Variants in AKAP6 observed in about 807,000 individuals in gnomAD.
The protein encoded by AKAP6 is A-kinase anchoring protein 6.
A neutral mutation model predicts 188.5 loss-of-function variants in AKAP6; 58 were observed. The ratio of observed to expected loss-of-function variants is 0.31; its 90% CI spans 0.25 to 0.38. AKAP6 has a LOEUF of 0.38. AKAP6 is among the 10% of genes least tolerant of loss of function. The pLI is 1.00. For missense variants in AKAP6, 2,710 were observed against 2,740.0 expected, an observed-to-expected ratio of 0.99 and a Z score of 0.24; for synonymous variants, 989 against 998.6, an observed-to-expected ratio of 0.99 and a Z score of 0.18.
chr14:32,441,155 A>G (rs1240797187), intron 2 of AKAP6, among the ~76,000 whole-genome samples: 1 of 152,176 alleles, frequency 6.6e-6, no homozygotes, highest in African/African-American at 2.4e-5. Flanking sequence ...TACCCAGTCT[A>G]AGGTGTTTTG....
At chr14:32,432,037 T>A (rs1488591004) in intron 1 of AKAP6, among the ~76,000 whole-genome samples, 1 of 152,170 alleles carries the variant, frequency 6.6e-6, no homozygotes, top group African/African-American at 2.4e-5. Context: ...CCCCTCTATT[T>A]TGGTATGTAA....
At chr14:32,648,063 C>A (rs1382314555) in intron 7 of AKAP6, among the ~76,000 whole-genome samples, 1 of 151,960 alleles carries the variant, frequency 6.6e-6, no homozygotes, top group Admixed American at 6.6e-5. Context: ...TAAAGTAATG[C>A]AAAAGGAGGC....
rs752439984 is a variant in AKAP6, at chr14:32,773,800, G to T, written c.3495G>T (p.Leu1165=). ...NLNADHQPMQ[L]IIVNLERRWE... ...ATGCAGACCACCAGCCCATGCAGCT[G>T]ATCATTGTAAATCTTGAAAGAAGGT... The change falls in exon 12 of 14, where the codon CTG becomes CTT. Residue 1165 remains leucine (L), a synonymous_variant. Transcript: ENST00000280979. 20 of 1,613,972 alleles carry T rather than the reference G, an allele frequency of 1.2e-5. No individual in the cohort carries two copies. Among genetic ancestry groups the T allele is most frequent in the African/African-American group, 2.7e-5 (2 of 74,920 alleles).
intron 7 of AKAP6, among the ~76,000 whole-genome samples, chr14:32,635,122 T>G (rs1414269605): frequency 2.6e-5 from 4 of 152,058 alleles, no homozygotes; most frequent in Non-Finnish European, 4.4e-5. Flanking sequence ...CAAGTTGTAT[T>G]ATTTGAGACC....
At position 32,450,970 on chromosome 14, in the gene AKAP6, G is replaced by A. The variant is rs185987426; in HGVS notation, c.324+17153G>A. 3.3e-4 allele frequency among the ~76,000 whole-genome samples: 50 copies of A among 152,176 alleles called. No homozygotes were observed. The East Asian group carries it at 6.8e-3, about 21-fold the overall frequency. ...AGTAAAATGTTGAAAATAACAAAAC[G>A]AGGAAAGTGGCTTTATTATTATGTT... On this transcript the variant is annotated intron_variant, in intron 2 of 13. Transcript: ENST00000280979.
At chr14:32,729,635 T>C (rs113051871) in intron 9 of AKAP6, among the ~76,000 whole-genome samples, 16 of 152,262 alleles carry the variant, frequency 1.1e-4, no homozygotes, top group African/African-American at 3.9e-4. Context: ...GCTTCATTAG[T>C]CAAAATTGAA....
chr14:32,793,325 G>C (rs1385494326), intron 12 of AKAP6, among the ~76,000 whole-genome samples: 1 of 151,912 alleles, frequency 6.6e-6, no homozygotes, highest in African/African-American at 2.4e-5. Flanking sequence ...AAGGGATAGA[G>C]GAAAATTTAC....
At chr14:32,740,735 C>G (rs1418675589) in intron 11 of AKAP6, among the ~76,000 whole-genome samples, 1 of 151,940 alleles carries the variant, frequency 6.6e-6, no homozygotes, top group Non-Finnish European at 1.5e-5. Flanking sequence ...GTCTATGTGT[C>G]TATTTTTAGG....
At chr14:32,703,804 G>A (rs543734013) in intron 9 of AKAP6, among the ~76,000 whole-genome samples, 1 of 152,308 alleles carries the variant, frequency 6.6e-6, no homozygotes, top group African/African-American at 2.4e-5. Context: ...TCAGTAAAGA[G>A]GCTTCCACAG....
chr14:32,509,878 G>A lies in AKAP6; in HGVS notation c.325-25676G>A, dbSNP rs574759957. 5.3e-5 allele frequency among the ~76,000 whole-genome samples: 8 copies of A among 152,190 alleles called. No individual in the cohort carries two copies. The East Asian group carries it at 9.7e-4, about 18-fold the overall frequency. ...CATTCCAACCTTGGTGTCTATTTACGTTTGCCGTATGTTACTTGACGCTCC... is the reference window on the plus strand; with the variant it reads ...CATTCCAACCTTGGTGTCTATTTACATTTGCCGTATGTTACTTGACGCTCC... On this transcript the variant is annotated intron_variant, in intron 2 of 13. Transcript: ENST00000280979.
intron 1 of AKAP6, among the ~76,000 whole-genome samples, chr14:32,342,249 C>T (rs957753113): frequency 5.3e-5 from 8 of 152,164 alleles, no homozygotes; most frequent in African/African-American, 1.9e-4. Context: ...GAATCTTCCA[C>T]AGGCACTTTT....
chr14:32,648,570 G>A (rs1361749472), intron 7 of AKAP6, among the ~76,000 whole-genome samples: 2 of 152,158 alleles, frequency 1.3e-5, no homozygotes, highest in Non-Finnish European at 2.9e-5. Flanking sequence ...AGAACTGACA[G>A]TAGAAACTGT....
At chr14:32,739,208 A>T (rs61604078) in intron 11 of AKAP6, among the ~76,000 whole-genome samples, 3,777 of 152,026 alleles carry the variant, frequency 0.025, 129 homozygotes, top group East Asian at 0.082. Context: ...TCTGCTATTT[A>T]TATTTTATTT....
intron 2 of AKAP6, among the ~76,000 whole-genome samples, chr14:32,447,513 G>A (rs1046929521): frequency 6.6e-6 from 1 of 152,116 alleles, no homozygotes; most frequent in African/African-American, 2.4e-5. Context: ...GGCCAAAAAA[G>A]CAGAATTTTC....
chr14:32,686,770 T>C (rs1169650872), intron 8 of AKAP6, among the ~76,000 whole-genome samples: 1 of 152,160 alleles, frequency 6.6e-6, no homozygotes, highest in Non-Finnish European at 1.5e-5. Context: ...CTGACTCTGC[T>C]TCCTGGAATT....
Position 32,364,821 on chromosome 14 carries a change from G to A in AKAP6, c.-35+35413G>A, listed in dbSNP as rs529654327. On this transcript the variant is annotated intron_variant, in intron 1 of 13. Transcript: ENST00000280979. ...CAATTGACAACATGAACAGCAAATC[G>A]TGACAGCCACAGTGGGGTCCCTTTT... 6.6e-5 allele frequency among the ~76,000 whole-genome samples: 10 copies of A among 152,222 alleles called. No homozygotes were observed. The South Asian group carries it at 1.2e-3, about 19-fold the overall frequency.
intron 1 of AKAP6, among the ~76,000 whole-genome samples, chr14:32,362,734 C>T (rs2138492869): frequency 6.6e-6 from 1 of 152,238 alleles, no homozygotes; most frequent in East Asian, 1.9e-4. Flanking sequence ...GAGTTGGAGC[C>T]ATCCTAAGGA....
At chr14:32,542,485 A>G (rs931725863) in intron 3 of AKAP6, among the ~76,000 whole-genome samples, 6 of 152,250 alleles carry the variant, frequency 3.9e-5, no homozygotes, top group African/African-American at 1.4e-4. Context: ...TTATTTATAA[A>G]TTGAGATCAA....
At chr14:32,637,433 A>G (rs184550422) in intron 7 of AKAP6, among the ~76,000 whole-genome samples, 19 of 152,212 alleles carry the variant, frequency 1.2e-4, no homozygotes, top group African/African-American at 4.6e-4. Context: ...CTCTAACAAG[A>G]TATTTAACTG....
Sources: allele counts gnomAD v4.1 joint callset (sites outside exome capture counted in the v4.1 genomes callset), GRCh38; gene constraint gnomAD v4.1.1; transcripts MANE v1.5; gene names NCBI Gene and HGNC (gene_info 2026-07-23, HGNC 2026-07-21).